The following RBFOX3 variants were observed in gnomAD, a reference collection of about 807,000 sequenced individuals.
RBFOX3 encodes RNA binding fox-1 homolog 3, also known as RNA binding protein fox-1 homolog 3.
A neutral mutation model predicts 48.7 loss-of-function variants in RBFOX3; 17 were observed. The observed-to-expected ratio is 0.35, with a 90% CI of 0.24 to 0.52. RBFOX3 has a LOEUF of 0.52. Ranked by LOEUF, RBFOX3 falls within the 20% of genes least tolerant of loss-of-function variation. The pLI is 0.94. For synonymous variants in RBFOX3, 212 were observed against 209.5 expected, an observed-to-expected ratio of 1.01 and a Z score of -0.10; for missense variants, 382 against 497.5, an observed-to-expected ratio of 0.77 and a Z score of 2.21.
chr17:79,095,932 A>C (rs921157528), intron 12 of RBFOX3, among the ~76,000 whole-genome samples: 2 of 152,312 alleles, frequency 1.3e-5, no homozygotes, highest in South Asian at 2.1e-4. Flanking sequence ...TTGGCAAGGA[A>C]GAGGTGCTCA....
intron 4 of RBFOX3, among the ~76,000 whole-genome samples, chr17:79,172,528 C>A (rs1258230329): frequency 6.6e-6 from 1 of 152,180 alleles, no homozygotes; most frequent in African/African-American, 2.4e-5. Flanking sequence ...ACTCCCTGGG[C>A]CTCCATCTGA....
chr17:79,212,160 T>A lies in RBFOX3; in HGVS notation c.-34+23606A>T, dbSNP rs537214041. Among the ~76,000 whole-genome samples the A allele has an allele frequency of 4.6e-5, 7 of 152,176 alleles. No homozygotes were observed. The South Asian group carries it at 1.5e-3, about 32-fold the overall frequency. On this transcript the variant is annotated intron_variant, in intron 4 of 14. Transcript: ENST00000693108. This position sits in a 1 kb window ranked among gnomAD's most constrained non-coding sequence, Gnocchi z 4.7. ...TGCCAGGGACAAGACAGCAGAAAAA[T>A]GGCCCCAGGGAGAAGGGCTGGGGTC...
intron 2 of RBFOX3, among the ~76,000 whole-genome samples, chr17:79,434,775 A>G (rs1262381433): frequency 6.6e-6 from 1 of 152,200 alleles, no homozygotes; most frequent in Non-Finnish European, 1.5e-5. Context: ...ACTTCAGAGA[A>G]AGCTGTGTTT....
chr17:79,494,388 C>T (rs897780920), intron 1 of RBFOX3, among the ~76,000 whole-genome samples: 11 of 152,334 alleles, frequency 7.2e-5, no homozygotes, highest in South Asian at 6.2e-4. Flanking sequence ...AGTAGCATAA[C>T]GTCTTAAACT....
At chr17:79,449,867 C>A (rs1036202823) in intron 2 of RBFOX3, among the ~76,000 whole-genome samples, 4 of 152,190 alleles carry the variant, frequency 2.6e-5, no homozygotes, top group Admixed American at 2.6e-4. Context: ...CTGGCCCCCT[C>A]CTGGCCATTG....
chr17:79,144,639 C>T (rs1249427301), intron 4 of RBFOX3, among the ~76,000 whole-genome samples: 30 of 152,232 alleles, frequency 2.0e-4, no homozygotes, highest in Admixed American at 2.0e-3. Flanking sequence ...AAGCACCCCT[C>T]TCCCGGCCCT....
In RBFOX3 at chr17:79,105,132, C is replaced by A. The variant is rs148887836; in HGVS notation, c.361-1006G>T. Among the ~76,000 whole-genome samples, 394 of 152,370 alleles carry A rather than the reference C, an allele frequency of 2.6e-3. 3 individuals are homozygous for A. The highest frequency in any genetic ancestry group is 9.2e-3 in the African/African-American group (384 of 41,584). On this transcript the variant is annotated intron_variant, in intron 6 of 14. Coordinates refer to ENST00000693108, the MANE Select transcript of RBFOX3 (RefSeq NM_001350451.2). ...AGGCAACTGATGGGGGTTTCCCAGT[C>A]ACCTCCACACAGTCCTGGAGGCGGG... is the stretch of plus-strand genomic sequence containing the variant.
chr17:79,485,029 C>A (rs1003361530), intron 1 of RBFOX3, among the ~76,000 whole-genome samples: 1 of 152,156 alleles, frequency 6.6e-6, no homozygotes, highest in Non-Finnish European at 1.5e-5. Context: ...CCAGACAGGG[C>A]TCCCAGAGCC....
At chr17:79,244,526 C>T (rs529420761) in intron 3 of RBFOX3, among the ~76,000 whole-genome samples, 26 of 111,150 alleles carry the variant, frequency 2.3e-4, no homozygotes, top group South Asian at 6.5e-4. Flanking sequence ...GGGCTGCGGG[C>T]GCACAGTGGG....
intron 1 of RBFOX3, among the ~76,000 whole-genome samples, chr17:79,571,932 C>T (rs1489269344): frequency 6.6e-6 from 1 of 152,188 alleles, no homozygotes; most frequent in Non-Finnish European, 1.5e-5. Flanking sequence ...AGCGTCCTAT[C>T]TCACTGCCGA....
intron 1 of RBFOX3, among the ~76,000 whole-genome samples, chr17:79,597,422 C>T (rs1352568111): frequency 6.6e-5 from 10 of 152,172 alleles, no homozygotes; most frequent in African/African-American, 2.2e-4. Context: ...AAAGAGGAGG[C>T]ACAGGGGAAA....
intron 2 of RBFOX3, among the ~76,000 whole-genome samples, chr17:79,448,806 G>A (rs541169165): frequency 3.9e-5 from 6 of 152,204 alleles, no homozygotes; most frequent in Non-Finnish European, 8.8e-5. Context: ...CGCAGGCTCA[G>A]AAGTAGGCCA....
intron 1 of RBFOX3, among the ~76,000 whole-genome samples, chr17:79,607,503 C>T (rs1482961261): frequency 1.3e-5 from 2 of 152,206 alleles, no homozygotes; most frequent in Non-Finnish European, 2.9e-5. Flanking sequence ...GTTTTCCTCT[C>T]TTTACTGCCC....
At chr17:79,313,876 C>T (rs1022182216) in intron 2 of RBFOX3, among the ~76,000 whole-genome samples, 2 of 152,238 alleles carry the variant, frequency 1.3e-5, no homozygotes, top group African/African-American at 4.8e-5. Flanking sequence ...CTCCCACCTC[C>T]AGGAGCTACT....
chr17:79,454,113 C>T (rs950015995), intron 2 of RBFOX3, among the ~76,000 whole-genome samples: 1 of 152,096 alleles, frequency 6.6e-6, no homozygotes, highest in Non-Finnish European at 1.5e-5. Flanking sequence ...GGAGCCCTGC[C>T]CCATCACCTC....
chr17:79,417,667 G>A (rs1195372892), intron 2 of RBFOX3, among the ~76,000 whole-genome samples: 19 of 152,226 alleles, frequency 1.2e-4, no homozygotes, highest in African/African-American at 1.7e-4. Context: ...AAGGTTTGGC[G>A]GTTCCTTAAA....
rs577820032 is a variant in RBFOX3, at chr17:79,198,848, C to T, written c.-34+36918G>A. On this transcript the variant is annotated intron_variant, in intron 4 of 14. Transcript: ENST00000693108. The surrounding 1 kb of genome is among the most constrained non-coding windows in gnomAD (Gnocchi z 8.2). ...TTCATCATGTTGGCCAGGCTAATCT[C>T]GAACTCCTGACCTCAGGTGATCCAC... Among the ~76,000 whole-genome samples, 11 of 152,268 alleles carry T rather than the reference C, an allele frequency of 7.2e-5. No homozygotes were observed. The highest frequency in any genetic ancestry group is 5.8e-4 in the East Asian group (3 of 5,184).
chr17:79,324,894 C>T (rs577413248), intron 2 of RBFOX3, among the ~76,000 whole-genome samples: 2 of 152,350 alleles, frequency 1.3e-5, no homozygotes, highest in East Asian at 3.9e-4. Context: ...GCCCACAGTC[C>T]AAGGTGGGGT....
At chr17:79,475,755 CA>C (rs2077647060) in intron 2 of RBFOX3, among the ~76,000 whole-genome samples, 1 of 152,168 alleles carries the variant, frequency 6.6e-6, no homozygotes, top group Non-Finnish European at 1.5e-5. Flanking sequence ...GGGGTTGCCT[CA>C]TGATGATGGA....
Sources: gnomAD v4.1 joint callset for allele counts (sites outside exome capture counted in the v4.1 genomes callset) on GRCh38, gnomAD v4.1.1 for gene constraint, Gnocchi (gnomAD v3.1) non-coding constraint, MANE v1.5 for transcripts, NCBI Gene and HGNC (gene_info 2026-07-23, HGNC 2026-07-21) for gene names.